Variants in CDH26 observed in about 807,000 individuals in gnomAD.
CDH26 encodes the protein cadherin 26.
In CDH26, 83 loss-of-function variants were observed where a neutral mutation model predicts 90.3. The observed-to-expected ratio is 0.92, with a 90% CI of 0.77 to 1.10. The LOEUF is 1.10. CDH26 is among the 50% of genes least tolerant of loss of function. CDH26 has a pLI of 0.00. For synonymous variants in CDH26, 397 were observed against 396.3 expected, an observed-to-expected ratio of 1.00 and a Z score of -0.02; for missense variants, 1,013 against 1,037.6, an observed-to-expected ratio of 0.98 and a Z score of 0.33.
chr20:59,986,781 T>C (rs1210899765), intron 7 of CDH26, among the ~76,000 whole-genome samples: 1 of 152,056 alleles, frequency 6.6e-6, no homozygotes, highest in African/African-American at 2.4e-5. Flanking sequence ...TTTTAAAAGG[T>C]GTCGTTTAAT....
intron 13 of CDH26, among the ~76,000 whole-genome samples, chr20:59,999,022 G>T (rs1039011200): frequency 6.6e-6 from 1 of 152,012 alleles, no homozygotes; most frequent in Admixed American, 6.5e-5. Context: ...GCAAGATATC[G>T]TCACTAGCTG....
intron 1 of CDH26, 92 bp downstream of exon 1, chr20:59,958,887 A>G (rs2061031975): frequency 2.2e-6 from 3 of 1,335,068 alleles, no homozygotes; most frequent in Admixed American, 2.0e-5. Context: ...GGGAGGGGAG[A>G]GGGACTGAGT....
At position 59,980,365 on chromosome 20, in the gene CDH26, G is replaced by C. The variant is rs575931966; in HGVS notation, c.394-2558G>C. Among the ~76,000 whole-genome samples the C allele has an allele frequency of 2.6e-4, 40 of 151,870 alleles. No homozygotes were observed. In the South Asian group the frequency reaches 8.3e-3, roughly 32 times the overall value. ...GCTGGAGTGCAATGGCGCAATCTCAGTTCACTGCAACCTCCACCTTCTGGG... is the reference window on the plus strand; with the variant it reads ...GCTGGAGTGCAATGGCGCAATCTCACTTCACTGCAACCTCCACCTTCTGGG... On this transcript the variant is annotated intron_variant, in intron 4 of 17. Transcript: ENST00000348616.
At chr20:59,967,813 A>ATTTCTTTC (rs1204879152) in intron 1 of CDH26, among the ~76,000 whole-genome samples, 472 of 44,000 alleles carry the variant, frequency 0.011, 4 homozygotes, top group Middle Eastern at 0.022. Flanking sequence ...TCCCTCCCTC[A>ATTTCTTTC]TTTCTTTCTT....
At chr20:59,970,232 T>C (rs777621961) in intron 3 of CDH26, 46 bp downstream of exon 3, 2 of 1,601,352 alleles carry the variant, frequency 1.2e-6, no homozygotes, top group South Asian at 2.2e-5. Flanking sequence ...GCCCTCTAAG[T>C]AAGCACGCCC....
At chr20:59,976,263 G>A (rs377133816) in intron 4 of CDH26, among the ~76,000 whole-genome samples, 5 of 152,240 alleles carry the variant, frequency 3.3e-5, no homozygotes, top group African/African-American at 1.2e-4. Context: ...TTATCCAAAG[G>A]TATAAATCTT....
chr20:59,963,040 A>G (rs191794594), intron 1 of CDH26, among the ~76,000 whole-genome samples: 1 of 152,316 alleles, frequency 6.6e-6, no homozygotes, highest in East Asian at 1.9e-4. Flanking sequence ...AGCCCTTGCC[A>G]TCCTGAGCAC....
chr20:59,983,638 C>CTG (rs748840681), intron 5 of CDH26, among the ~76,000 whole-genome samples: 3 of 152,070 alleles, frequency 2.0e-5, no homozygotes, highest in African/African-American at 7.2e-5. Flanking sequence ...TGTGCATTTT[C>CTG]TGTGTGTGTG....
chr20:59,984,885 G>A, intron 6 of CDH26, 80 bp downstream of exon 6: 1 of 1,560,848 alleles, frequency 6.4e-7, no homozygotes, highest in Non-Finnish European at 8.7e-7. Flanking sequence ...TACATTTGTA[G>A]TGGGGAACCC....
rs776778896 is a variant in CDH26 at position 60,002,811 on chromosome 20, A to G, written c.2167-2A>G. 4.7e-5 allele frequency: 75 copies of G among 1,591,678 alleles called. No individual in the cohort carries two copies. Among genetic ancestry groups the G allele is most frequent in the South Asian group, 2.3e-4 (20 of 86,892 alleles). ...TCAGTAAATATTTCATCTTTCTTTAAGGGTTATGGCAAGCCCTTTGAGCCA... is the reference window on the plus strand; with the variant it reads ...TCAGTAAATATTTCATCTTTCTTTAGGGGTTATGGCAAGCCCTTTGAGCCA... On this transcript the variant is annotated splice_acceptor_variant, in intron 15 of 17. Transcript: ENST00000348616. LOFTEE classifies it high-confidence loss of function.
At chr20:59,999,489 A>G (rs1248965551) in intron 13 of CDH26, 97 bp from the exon 14 acceptor site, 11 of 1,000,098 alleles carry the variant, frequency 1.1e-5, no homozygotes, top group South Asian at 2.8e-5. Flanking sequence ...CATAGATACA[A>G]TGTGTTTTGG....
In CDH26 at chr20:60,002,824, G is replaced by A. The variant is rs770045236; in HGVS notation, c.2178G>A (p.Lys726=). The change falls in exon 16 of 18, where the codon AAG becomes AAA. Residue 726 remains lysine, a synonymous_variant. Coordinates refer to ENST00000348616, the MANE Select transcript of CDH26 (RefSeq NM_177980.4). ...RCALGSWGYG[K]PFEPRSVKNI... is the part of the protein sequence containing the mutation. ...CATCTTTCTTTAAGGGTTATGGCAA[G>A]CCCTTTGAGCCAAGAAGTGTGAAAA... 1.2e-6 allele frequency: 2 copies of A among 1,600,884 alleles called. No homozygotes were observed. The highest frequency in any genetic ancestry group is 3.4e-5 in the Admixed American group (2 of 59,382).
chr20:60,005,456 G>A (rs1399680628), intron 16 of CDH26, among the ~76,000 whole-genome samples: 1 of 150,674 alleles, frequency 6.6e-6, no homozygotes, highest in East Asian at 1.9e-4. Flanking sequence ...ATGTTTGTCT[G>A]TATATGTGCA....
intron 2 of CDH26, among the ~76,000 whole-genome samples, chr20:59,969,486 T>A (rs2061223448): frequency 6.6e-6 from 1 of 152,348 alleles, no homozygotes; most frequent in African/African-American, 2.4e-5. Context: ...AAAATTAATG[T>A]GGCTAGAAAC....
At chr20:59,980,120 C>T (rs923256508) in intron 4 of CDH26, among the ~76,000 whole-genome samples, 5 of 152,108 alleles carry the variant, frequency 3.3e-5, no homozygotes, top group African/African-American at 9.7e-5. Context: ...TTTGGCTGCA[C>T]TTAGTATTGT....
intron 9 of CDH26, among the ~76,000 whole-genome samples, chr20:59,989,384 C>T (rs890050969): frequency 6.6e-6 from 1 of 151,516 alleles, no homozygotes; most frequent in African/African-American, 2.4e-5. Flanking sequence ...AAAAATTAGC[C>T]GGGCGCGGTG....
intron 2 of CDH26, 120 bp from the exon 3 acceptor site, chr20:59,969,962 G>A (rs1356379490): frequency 1.1e-5 from 15 of 1,424,076 alleles, no homozygotes; most frequent in South Asian, 1.5e-5. Flanking sequence ...CTGTTCTGGC[G>A]ATGAGAGAAT....
chr20:59,996,828 A>G (rs908283335), intron 13 of CDH26, 67 bp downstream of exon 13: 15 of 1,585,706 alleles, frequency 9.5e-6, no homozygotes, highest in East Asian at 4.5e-5. Flanking sequence ...TATAGCATGT[A>G]TTTTTCCCCC....
intron 13 of CDH26, 29 bp downstream of exon 13, chr20:59,996,790 T>C (rs768383986): frequency 3.5e-5 from 57 of 1,613,888 alleles, no homozygotes; most frequent in Admixed American, 1.7e-5. Flanking sequence ...TTGTGTCTTA[T>C]GGCAAGGAAT....
Sources: gnomAD v4.1 joint callset for allele counts (sites outside exome capture counted in the v4.1 genomes callset) on GRCh38, gnomAD v4.1.1 for gene constraint, MANE v1.5 for transcripts, NCBI Gene and HGNC (gene_info 2026-07-23, HGNC 2026-07-21) for gene names.